VSTM4: variants seen among roughly 807,000 people sequenced by gnomAD.
VSTM4 encodes the protein V-set and transmembrane domain-containing protein 4.
A neutral mutation model predicts 36.4 loss-of-function variants in VSTM4; 20 were observed. The ratio of observed to expected loss-of-function variants is 0.55; its 90% CI spans 0.39 to 0.80. The LOEUF (loss-of-function observed/expected upper bound fraction) is 0.80, where lower values mean the gene tolerates loss of function less well. Ranked by LOEUF, VSTM4 falls within the 30% of genes least tolerant of loss-of-function variation. VSTM4 has a pLI of 0.00. For synonymous variants in VSTM4, 182 were observed against 173.9 expected, an observed-to-expected ratio of 1.05 and a Z score of -0.37; for missense variants, 392 against 404.5, an observed-to-expected ratio of 0.97 and a Z score of 0.26.
chr10:49,025,014 TC>T (rs1379479531), intron 7 of VSTM4, among the ~76,000 whole-genome samples: 2 of 151,966 alleles, frequency 1.3e-5, no homozygotes, highest in African/African-American at 2.4e-5. Flanking sequence ...TGACTGGTGT[TC>T]TTCTAAGAAG....
chr10:49,089,371 C>T (rs1844431474), intron 2 of VSTM4, among the ~76,000 whole-genome samples: 1 of 152,158 alleles, frequency 6.6e-6, no homozygotes, highest in South Asian at 2.1e-4. Context: ...CAGGGGGTGA[C>T]TCTTCAATCT....
intron 4 of VSTM4, among the ~76,000 whole-genome samples, chr10:49,072,368 G>A (rs933079646): frequency 4.6e-5 from 7 of 152,156 alleles, no homozygotes; most frequent in Admixed American, 4.6e-4. Context: ...TAACAGCTCA[G>A]CACCACCAAT....
chr10:49,109,856 G>A (rs1196878522), intron 1 of VSTM4, among the ~76,000 whole-genome samples: 1 of 152,188 alleles, frequency 6.6e-6, no homozygotes, highest in African/African-American at 2.4e-5. Context: ...AGAGGAATTG[G>A]CCCCACAATT....
intron 2 of VSTM4, among the ~76,000 whole-genome samples, chr10:49,098,836 A>G (rs1181042973): frequency 6.6e-6 from 1 of 152,192 alleles, no homozygotes; most frequent in East Asian, 1.9e-4. Flanking sequence ...AGATCCACCC[A>G]TGTGTTTCTG....
chr10:49,018,890 C>G lies in VSTM4; in HGVS notation c.*760G>C, dbSNP rs746814115. 1 of 152,276 alleles carries G rather than the reference C, an allele frequency of 6.6e-6. No homozygotes were observed. The highest frequency in any genetic ancestry group is 1.5e-5 in the Non-Finnish European group (1 of 68,080). The allele number at this position is 152,276 out of a possible 1,614,324, so 9.4% of individuals were successfully genotyped here. On this transcript the variant is annotated 3_prime_UTR_variant, in exon 8 of 8. Coordinates refer to ENST00000332853, the MANE Select transcript of VSTM4 (RefSeq NM_001031746.5). Reference sequence around the variant, plus strand: ...CCAGTGTGTCTTCTGATGGCCAACACCTGTGCTCCTTTGGAAAAGGGTGAG... The same window carrying G: ...CCAGTGTGTCTTCTGATGGCCAACAGCTGTGCTCCTTTGGAAAAGGGTGAG...
intron 7 of VSTM4, among the ~76,000 whole-genome samples, chr10:49,040,944 G>A (rs1382140901): frequency 1.3e-5 from 2 of 152,228 alleles, no homozygotes; most frequent in South Asian, 2.1e-4. Context: ...ACAGAGATTG[G>A]GGCAACATGG....
chr10:49,054,298 G>A (rs908426163), intron 5 of VSTM4, among the ~76,000 whole-genome samples: 2 of 152,282 alleles, frequency 1.3e-5, no homozygotes, highest in African/African-American at 2.4e-5. Context: ...AGAAGTACCA[G>A]AAGGAGACAT....
intron 2 of VSTM4, among the ~76,000 whole-genome samples, chr10:49,090,508 C>A (rs1181371335): frequency 6.6e-6 from 1 of 152,164 alleles, no homozygotes; most frequent in Non-Finnish European, 1.5e-5. Flanking sequence ...GTGGACTCTG[C>A]TGCTCTGTGC....
chr10:49,082,880 G>C (rs932371829), intron 3 of VSTM4, among the ~76,000 whole-genome samples: 40 of 152,220 alleles, frequency 2.6e-4, no homozygotes, highest in Middle Eastern at 3.2e-3. Flanking sequence ...TGGCAGGGCT[G>C]GCAGGCTGGA....
intron 7 of VSTM4, among the ~76,000 whole-genome samples, chr10:49,035,835 CA>C (rs902249839): frequency 1.0e-3 from 156 of 151,718 alleles, no homozygotes; most frequent in Non-Finnish European, 7.4e-4. Flanking sequence ...GACTCTATAT[CA>C]AAAAAAATAA....
intron 5 of VSTM4, among the ~76,000 whole-genome samples, chr10:49,063,268 A>T (rs1003952370): frequency 2.6e-5 from 4 of 152,114 alleles, no homozygotes; most frequent in Non-Finnish European, 5.9e-5. Flanking sequence ...TGAATCTAGG[A>T]GGGTTGCAGT....
intron 4 of VSTM4, among the ~76,000 whole-genome samples, chr10:49,075,663 G>T (rs1193692137): frequency 6.6e-6 from 1 of 152,254 alleles, no homozygotes; most frequent in Non-Finnish European, 1.5e-5. Flanking sequence ...ACAGGCAGAG[G>T]CTGGTGGGAG....
intron 5 of VSTM4, among the ~76,000 whole-genome samples, chr10:49,054,843 T>C (rs1334596328): frequency 6.6e-6 from 1 of 152,146 alleles, no homozygotes; most frequent in Admixed American, 6.5e-5. Context: ...ATATAGTCTC[T>C]CTCTGGGATG....
chr10:49,064,146 A>C (rs1483261840), intron 5 of VSTM4: 2 of 152,296 alleles, frequency 1.3e-5, no homozygotes, highest in African/African-American at 4.8e-5. Context: ...CAAAGTCTTC[A>C]TTTGGTTGTC....
At chr10:49,059,780 TA>T (rs1843843401) in intron 5 of VSTM4, among the ~76,000 whole-genome samples, 1 of 152,168 alleles carries the variant, frequency 6.6e-6, no homozygotes, top group Non-Finnish European at 1.5e-5. Flanking sequence ...TATAATTCAA[TA>T]GCTTTTAGAT....
At chr10:49,074,597 T>C (rs552423242) in intron 4 of VSTM4, among the ~76,000 whole-genome samples, 1 of 152,326 alleles carries the variant, frequency 6.6e-6, no homozygotes, top group Admixed American at 6.5e-5. Flanking sequence ...TCCTCCATCC[T>C]TGGCCCCACA....
At chr10:49,035,949 G>T (rs1843423638) in intron 7 of VSTM4, among the ~76,000 whole-genome samples, 2 of 152,194 alleles carry the variant, frequency 1.3e-5, no homozygotes, top group Non-Finnish European at 2.9e-5. Context: ...CAGCTGAGAA[G>T]CACGTGACCT....
intron 7 of VSTM4, among the ~76,000 whole-genome samples, chr10:49,027,225 G>A (rs905539056): frequency 2.0e-5 from 3 of 152,140 alleles, no homozygotes; most frequent in Admixed American, 6.5e-5. Flanking sequence ...GTGAAGGAAG[G>A]CATTTTACAA....
At chr10:49,114,181 G>T (rs1371478660) in intron 1 of VSTM4, among the ~76,000 whole-genome samples, 1 of 152,078 alleles carries the variant, frequency 6.6e-6, no homozygotes, top group African/African-American at 2.4e-5. Flanking sequence ...TACATTTCCC[G>T]CAGCAAGGAT....
Sources: allele counts gnomAD v4.1 joint callset (sites outside exome capture counted in the v4.1 genomes callset), GRCh38; gene constraint gnomAD v4.1.1; transcripts MANE v1.5; gene names NCBI Gene and HGNC (gene_info 2026-07-23, HGNC 2026-07-21).